EIF3M: variants seen among roughly 807,000 people sequenced by gnomAD.
EIF3M encodes eukaryotic translation initiation factor 3 subunit M.
Under a neutral mutation model 49.7 loss-of-function variants are expected in EIF3M, and 25 were observed. The ratio of observed to expected loss-of-function variants is 0.50; its 90% CI spans 0.37 to 0.70. EIF3M has a LOEUF of 0.70. EIF3M is among the 30% of genes least tolerant of loss of function. The probability of loss-of-function intolerance (pLI) is 0.00; values close to 1 mark genes in which losing one functional copy is unlikely to be tolerated. For synonymous variants in EIF3M, 156 were observed against 149.8 expected, an observed-to-expected ratio of 1.04 and a Z score of -0.30; for missense variants, 350 against 440.0, an observed-to-expected ratio of 0.80 and a Z score of 1.83.
In EIF3M at chr11:32,587,020, G is replaced by A. The variant is rs1405742426; in HGVS notation, c.51G>A (p.Glu17=). ...IDISEEDQAA[E]LRAYLKSKGA... is the part of the protein sequence containing the mutation. ...AGAGCAATCCTCAACAGGCTGCTGA[G>A]CTTCGTGCTTATCTGAAATCTAAAG... is the stretch of plus-strand genomic sequence containing the variant. Residue 17 remains glutamate (E), a synonymous_variant, in exon 2 of 11, where the codon GAG becomes GAA. Transcript: ENST00000531120. 6.2e-7 allele frequency: 1 copy of A among 1,609,970 alleles called. No homozygotes were observed. The highest frequency in any genetic ancestry group is 1.1e-5 in the South Asian group (1 of 90,276).
chr11:32,589,766 CTA>C, intron 5 of EIF3M, 125 bp downstream of exon 5: 1 of 635,716 alleles, frequency 1.6e-6, no homozygotes, highest in Non-Finnish European at 2.6e-6. Context: ...TGCTATAAAT[CTA>C]TTTCTATAAA....
At position 32,603,072 on chromosome 11, in the gene EIF3M, A is replaced by AAAG. The variant is rs773426555; in HGVS notation, c.*675_*677dup. On this transcript the variant is annotated 3_prime_UTR_variant, in exon 11 of 11. Coordinates refer to ENST00000531120, the MANE Select transcript of EIF3M (RefSeq NM_006360.6). ...TCGAAATTATTATACAAAAGATTTT[A>AAAG]AAGAGTCTGTAAAGCCTCTGCAGTT... is the stretch of plus-strand genomic sequence containing the variant. 3 of 1,444,074 alleles carry AAAG rather than the reference A, an allele frequency of 2.1e-6. No individual in the cohort carries two copies. The Admixed American group carries it at 6.3e-5, about 30-fold the overall frequency. The allele number at this position is 1,444,074 out of a possible 1,614,324, so 89.5% of individuals were successfully genotyped here. A position where few individuals can be genotyped will look rare whatever the true frequency, so the allele number is the denominator to read the frequency against.
intron 1 of EIF3M, 121 bp from the exon 2 acceptor site, chr11:32,586,891 A>C (rs1460487400): frequency 2.2e-6 from 3 of 1,356,866 alleles, no homozygotes; most frequent in African/African-American, 2.9e-5. Context: ...GGGGTCTTCA[A>C]CATTATTTGA....
chr11:32,596,104 G>T, intron 8 of EIF3M, 57 bp downstream of exon 8: 1 of 1,294,932 alleles, frequency 7.7e-7, no homozygotes, highest in Non-Finnish European at 1.1e-6. Context: ...TACACTAACA[G>T]TTATGTACTA....
intron 2 of EIF3M, 52 bp from the exon 3 acceptor site, chr11:32,588,542 C>A: frequency 6.3e-7 from 1 of 1,576,164 alleles, no homozygotes; most frequent in Non-Finnish European, 8.7e-7. Context: ...TTTAACTAGA[C>A]GCATTGAGTA....
intron 9 of EIF3M, chr11:32,601,378 G>A (rs772669969): frequency 3.7e-5 from 6 of 162,524 alleles, no homozygotes; most frequent in Non-Finnish European, 8.0e-5. Context: ...TTAATAAAAG[G>A]TACAGAACTA....
intron 8 of EIF3M, among the ~76,000 whole-genome samples, chr11:32,597,588 T>C (rs895346022): frequency 3.9e-5 from 6 of 152,232 alleles, no homozygotes; most frequent in African/African-American, 9.6e-5. Context: ...TTCATCCTTA[T>C]TGAGCAAACC....
chr11:32,584,916 T>TA (rs1270213978), intron 1 of EIF3M, among the ~76,000 whole-genome samples: 2 of 152,234 alleles, frequency 1.3e-5, no homozygotes, highest in Non-Finnish European at 2.9e-5. Flanking sequence ...TCGTATTCTT[T>TA]AAGTTAATTT....
chr11:32,599,578 G>A (rs745478455), intron 8 of EIF3M, among the ~76,000 whole-genome samples: 1 of 151,908 alleles, frequency 6.6e-6, no homozygotes, highest in African/African-American at 2.4e-5. Context: ...ATTTATTACA[G>A]GGCACTTGAT....
intron 5 of EIF3M, among the ~76,000 whole-genome samples, chr11:32,591,261 A>G (rs1855098148): frequency 6.6e-6 from 1 of 152,240 alleles, no homozygotes; most frequent in African/African-American, 2.4e-5. Context: ...GTTGAAGTAT[A>G]CTGTAGTTGC....
intron 9 of EIF3M, 120 bp downstream of exon 9, chr11:32,600,952 T>C (rs1855253109): frequency 2.3e-6 from 3 of 1,289,530 alleles, no homozygotes; most frequent in Admixed American, 2.5e-5. Context: ...ATAGCAGATG[T>C]GTATTTAGTA....
chr11:32,595,566 A>G (rs1254662926), intron 7 of EIF3M, among the ~76,000 whole-genome samples: 2 of 152,120 alleles, frequency 1.3e-5, no homozygotes, highest in African/African-American at 4.8e-5. Context: ...TCACTTACTC[A>G]TCATTATAGA....
intron 5 of EIF3M, among the ~76,000 whole-genome samples, chr11:32,593,556 A>G (rs1473626581): frequency 1.3e-5 from 2 of 152,166 alleles, no homozygotes; most frequent in Non-Finnish European, 2.9e-5. Context: ...TTTTGGTCTC[A>G]GCTTACTTGC....
chr11:32,595,141 G>C, intron 7 of EIF3M, 128 bp downstream of exon 7: 1 of 758,480 alleles, frequency 1.3e-6, no homozygotes, highest in Non-Finnish European at 2.1e-6. Flanking sequence ...TAAGAACTAT[G>C]TATTCTTTTT....
chr11:32,593,923 T>C lies in EIF3M; in HGVS notation c.591T>C (p.Ala197=). The change falls in exon 6 of 11, where the codon GCT becomes GCC. Residue 197 remains alanine, a synonymous_variant. Coordinates refer to ENST00000531120, the MANE Select transcript of EIF3M (RefSeq NM_006360.6). ...ELLGSYTEDN[A]SQARVDAHRC... ...TCGGAAGTTACACAGAGGACAATGC[T>C]TCCCAGGCTCGAGTTGATGCCCACA... The C allele has an allele frequency of 6.4e-7, 1 of 1,565,954 alleles. No individual in the cohort carries two copies. The highest frequency in any genetic ancestry group is 8.7e-7 in the Non-Finnish European group (1 of 1,155,822).
Position 32,589,583 on chromosome 11 carries a change from G to A in EIF3M, c.475G>A (p.Glu159Lys). Residue 159 changes from glutamate to lysine, a missense_variant, in exon 5 of 11, where the codon GAA becomes AAA. Physicochemically the swap from Glu to Lys is moderately conservative, Grantham distance 56 (BLOSUM62 1). Coordinates refer to ENST00000531120, the MANE Select transcript of EIF3M (RefSeq NM_006360.6). ...KWISDWNLTT[E>K]KKHTLLRLLY... The stretch of plus-strand genomic sequence containing the variant: ...GATTTCTGACTGGAATCTCACCACT[G>A]AAAAAAAGCACACCCTTTTAAGACT... 1.2e-6 allele frequency: 2 copies of A among 1,614,064 alleles called. No individual in the cohort carries two copies. The highest frequency in any genetic ancestry group is 2.2e-5 in the East Asian group (1 of 44,872).
intron 8 of EIF3M, among the ~76,000 whole-genome samples, chr11:32,596,517 C>T (rs149011297): frequency 0.037 from 5,528 of 151,150 alleles, 179 homozygotes; most frequent in Admixed American, 0.088. Context: ...ATAGCTTGAA[C>T]CCGGGAGATG....
At chr11:32,601,527 C>CA (rs1590531477) in intron 9 of EIF3M, 3 of 265,592 alleles carry the variant, frequency 1.1e-5, no homozygotes, top group Non-Finnish European at 2.1e-5. Context: ...AAAAAAACAG[C>CA]AAAAAACTGT....
chr11:32,589,865 T>C (rs1303504936), intron 5 of EIF3M, among the ~76,000 whole-genome samples: 1 of 152,228 alleles, frequency 6.6e-6, no homozygotes, highest in African/African-American at 2.4e-5. Context: ...TTTGGCTTTT[T>C]TTCTAAAAAA....
Sources: allele counts gnomAD v4.1 joint callset (sites outside exome capture counted in the v4.1 genomes callset), GRCh38; gene constraint gnomAD v4.1.1; transcripts MANE v1.5; gene names NCBI Gene and HGNC (gene_info 2026-07-23, HGNC 2026-07-21).